The following TPP2 variants were observed in gnomAD, a reference collection of about 807,000 sequenced individuals.
TPP2 encodes tripeptidyl-peptidase 2.
TPP2 carries 34 observed loss-of-function variants against 155.9 expected under a neutral mutation model. The observed-to-expected ratio is 0.22, with a 90% CI of 0.17 to 0.29. The LOEUF is 0.29. Ranked by LOEUF, TPP2 falls within the 10% of genes least tolerant of loss-of-function variation. The pLI is 1.00. For missense variants in TPP2, 1,028 were observed against 1,522.3 expected (o/e 0.68, Z 5.40); for synonymous variants, 510 against 529.4 (o/e 0.96, Z 0.50).
In TPP2 at chr13:102,645,106, T is replaced by A. The variant is rs1381123090; in HGVS notation, c.2393+97T>A. The A allele has an allele frequency of 7.9e-6, 9 of 1,137,560 alleles. No homozygotes were observed. The African/African-American group carries it at 1.4e-4, about 18-fold the overall frequency. The allele number at this position is 1,137,560 out of a possible 1,614,324, so 70.5% of individuals were successfully genotyped here. A position where few individuals can be genotyped will look rare whatever the true frequency, so the allele number is the denominator to read the frequency against. On this transcript the variant is annotated intron_variant, in intron 19 of 29. Transcript: ENST00000376052. ...GGGCCTTTTTTTTTTTTAATCCACC[T>A]GCATGCTAGAGGTGAGAATTTTATC...
At chr13:102,658,941 C>G (rs1366698313) in intron 25 of TPP2, among the ~76,000 whole-genome samples, 1 of 152,120 alleles carries the variant, frequency 6.6e-6, no homozygotes, top group African/African-American at 2.4e-5. Flanking sequence ...CCATACCACA[C>G]GAGGCAAGCT....
At chr13:102,647,971 T>C (rs556370790) in intron 21 of TPP2, among the ~76,000 whole-genome samples, 48 of 152,326 alleles carry the variant, frequency 3.2e-4, no homozygotes, top group Middle Eastern at 3.4e-3. Context: ...TGGAGATTTT[T>C]TTCAATTAGT....
At chr13:102,597,459 C>G (rs1879056343) in intron 1 of TPP2, among the ~76,000 whole-genome samples, 1 of 152,172 alleles carries the variant, frequency 6.6e-6, no homozygotes, top group African/African-American at 2.4e-5. Context: ...CGTGGTCCCC[C>G]CAGCTCAACA....
intron 1 of TPP2, among the ~76,000 whole-genome samples, chr13:102,602,535 A>T (rs1481645326): frequency 3.9e-5 from 6 of 152,174 alleles, no homozygotes; most frequent in African/African-American, 1.4e-4. Context: ...TTCAGCTATC[A>T]GGCCCTCAGT....
chr13:102,645,083 G>GA, intron 19 of TPP2, 74 bp downstream of exon 19: 1 of 1,395,344 alleles, frequency 7.2e-7, no homozygotes, highest in South Asian at 1.3e-5. Flanking sequence ...TTAAAAAAGG[G>GA]CCTTTTTTTT....
chr13:102,645,071 T>C, intron 19 of TPP2, 62 bp downstream of exon 19: 2 of 1,457,724 alleles, frequency 1.4e-6, no homozygotes, highest in Non-Finnish European at 1.9e-6. Context: ...TCTCTTACAC[T>C]CTTAAAAAAG....
intron 1 of TPP2, among the ~76,000 whole-genome samples, chr13:102,603,547 C>T (rs1879587520): frequency 6.6e-6 from 1 of 151,980 alleles, no homozygotes; most frequent in Non-Finnish European, 1.5e-5. Flanking sequence ...AGTCATGAGG[C>T]AGGAAAAAGT....
chr13:102,663,798 G>A (rs962653999), intron 26 of TPP2, 54 bp downstream of exon 26: 43 of 1,354,030 alleles, frequency 3.2e-5, no homozygotes, highest in Non-Finnish European at 4.1e-5. Flanking sequence ...ATATAAGTTT[G>A]TGTTTTGAGG....
chr13:102,656,908 T>G, intron 24 of TPP2, 148 bp from the exon 25 acceptor site: 1 of 667,076 alleles, frequency 1.5e-6, no homozygotes, highest in Non-Finnish European at 2.3e-6. Flanking sequence ...GATTGGAATT[T>G]TTGGTGTATT....
At position 102,623,009 on chromosome 13, in the gene TPP2, T is replaced by G; in HGVS notation, c.753T>G (p.Asp251Glu). ...MLNYSVNIYD[D>E]GNLLSIVTSG... ...ATTACTCCGTTAATATATACGATGATGGAAACCTGCTCTCCATTGTGACCA... is the reference window on the plus strand; with the variant it reads ...ATTACTCCGTTAATATATACGATGAGGGAAACCTGCTCTCCATTGTGACCA... The change falls in exon 6 of 30, where the codon GAT (aspartate) becomes GAG (glutamate). Residue 251 changes from aspartate to glutamate, a missense_variant. This residue lies in a region of TPP2 where 300 missense variants were observed against 398.3 expected (regional missense o/e 0.75). Coordinates refer to ENST00000376052, the MANE Select transcript of TPP2 (RefSeq NM_001330588.2). 6.2e-7 allele frequency: 1 copy of G among 1,613,748 alleles called. No individual in the cohort carries two copies. The highest frequency in any genetic ancestry group is 8.5e-7 in the Non-Finnish European group (1 of 1,179,934).
rs1295278081 is a variant in TPP2 at position 102,649,500 on chromosome 13, T to A, written c.2952+14T>A. 3 of 1,594,782 alleles carry A rather than the reference T, an allele frequency of 1.9e-6. No homozygotes were observed. Among genetic ancestry groups the A allele is most frequent in the Non-Finnish European group, 2.6e-6 (3 of 1,171,268 alleles). On this transcript the variant is annotated intron_variant, in intron 23 of 29. Transcript: ENST00000376052. ...GGAAAGAAAGCTGTAAGTATTAGTT[T>A]TTTAAACACTGAAATTACCTATTAA...
chr13:102,618,341 G>A (rs1880905094), intron 4 of TPP2, among the ~76,000 whole-genome samples: 1 of 152,148 alleles, frequency 6.6e-6, no homozygotes, highest in South Asian at 2.1e-4. Context: ...AAATCTAAAA[G>A]TCAATAGATA....
At chr13:102,610,734 TC>T (rs1387964782) in intron 2 of TPP2, among the ~76,000 whole-genome samples, 2 of 152,182 alleles carry the variant, frequency 1.3e-5, no homozygotes, top group African/African-American at 4.8e-5. Flanking sequence ...CCTATGGTAC[TC>T]CCATGAGCAG....
Position 102,618,856 on chromosome 13 carries a change from G to A in TPP2, c.620+10G>A, listed in dbSNP as rs4576935. The A allele has an allele frequency of 0.47, 756,326 of 1,597,304 alleles. 181,213 individuals carry two copies. The highest frequency in any genetic ancestry group is 0.6 in the African/African-American group (44,356 of 73,968). The stretch of plus-strand genomic sequence containing the variant: ...ATGGCGAAGTCTGGAGGTAAACTTC[G>A]TGTATTTTATACATCTTCATTTACA... On this transcript the variant is annotated intron_variant, in intron 5 of 29. Transcript: ENST00000376052.
At chr13:102,610,302 C>T (rs1880183856) in intron 2 of TPP2, among the ~76,000 whole-genome samples, 1 of 151,986 alleles carries the variant, frequency 6.6e-6, no homozygotes, top group African/African-American at 2.4e-5. Flanking sequence ...GATCTTGGCT[C>T]ACTGCAACCT....
In TPP2 at chr13:102,649,425, G is replaced by T; in HGVS notation, c.2891G>T (p.Gly964Val). The T allele has an allele frequency of 6.2e-7, 1 of 1,612,832 alleles. No homozygotes were observed. Among genetic ancestry groups the T allele is most frequent in the Non-Finnish European group, 8.5e-7 (1 of 1,179,486 alleles). ...TTGTTTAGAATACCTAAAGGGGCAG[G>T]ACCTGGATGCTATCTTGCAGGATCC... ...LPDDKIPKGA[G>V]PGCYLAGSLT... Residue 964 changes from glycine to valine, a missense_variant, in exon 23 of 30, where the codon GGA (glycine) becomes GTA (valine). Around this residue, in one of 7 missense-constraint regions of TPP2, gnomAD observed 179 missense variants for 274.7 expected, o/e 0.65. Transcript: ENST00000376052.
At chr13:102,667,666 AT>A (rs1884695811) in intron 27 of TPP2, 1 of 788,430 alleles carries the variant, frequency 1.3e-6, no homozygotes, top group South Asian at 5.8e-5. Flanking sequence ...TAGAATTTAG[AT>A]TACGTGATAA....
At chr13:102,618,899 T>C in intron 5 of TPP2, 53 bp downstream of exon 5, 1 of 1,558,962 alleles carries the variant, frequency 6.4e-7, no homozygotes, top group Non-Finnish European at 8.6e-7. Flanking sequence ...TCTTTTCTAC[T>C]CTGAAAAACA....
intron 1 of TPP2, among the ~76,000 whole-genome samples, chr13:102,597,860 C>T (rs1879095461): frequency 6.6e-6 from 1 of 152,128 alleles, no homozygotes; most frequent in South Asian, 2.1e-4. Context: ...TTTAAACGGT[C>T]TTCTGCAGCG....
Sources: gnomAD v4.1 joint callset for allele counts (sites outside exome capture counted in the v4.1 genomes callset) on GRCh38, gnomAD v4.1.1 for gene constraint, gnomAD v4.1.1 regional missense constraint, MANE v1.5 for transcripts, NCBI Gene and HGNC (gene_info 2026-07-23, HGNC 2026-07-21) for gene names.